The following NRXN3 variants were observed in gnomAD, a reference collection of about 807,000 sequenced individuals.
The protein encoded by NRXN3 is neurexin 3.
In NRXN3, 32 loss-of-function variants were observed where a neutral mutation model predicts 137.6. The ratio of observed to expected loss-of-function variants is 0.23; its 90% CI spans 0.18 to 0.31. The LOEUF (loss-of-function observed/expected upper bound fraction) is 0.31. Ranked by LOEUF, NRXN3 falls within the 10% of genes least tolerant of loss-of-function variation. The pLI is 1.00. For missense variants in NRXN3, 1,574 were observed against 2,062.5 expected, an observed-to-expected ratio of 0.76 and a Z score of 4.59; for synonymous variants, 798 against 784.5, an observed-to-expected ratio of 1.02 and a Z score of -0.29.
At chr14:79,826,275 G>A (rs1336965846) in intron 20 of NRXN3, among the ~76,000 whole-genome samples, 1 of 152,134 alleles carries the variant, frequency 6.6e-6, no homozygotes, top group Non-Finnish European at 1.5e-5. Context: ...TTACAGGCAT[G>A]AGCCGCTGTG....
intron 17 of NRXN3, among the ~76,000 whole-genome samples, chr14:79,679,983 G>A (rs904243457): frequency 6.6e-6 from 1 of 152,082 alleles, no homozygotes; most frequent in Non-Finnish European, 1.5e-5. Flanking sequence ...TAACCCCTTA[G>A]TCCCTGGATC....
intron 1 of NRXN3, among the ~76,000 whole-genome samples, chr14:78,178,231 G>A (rs1045379063): frequency 4.6e-5 from 7 of 152,198 alleles, no homozygotes; most frequent in African/African-American, 7.2e-5. Flanking sequence ...CTCTGGTTCC[G>A]CAAGTCTGGA....
intron 4 of NRXN3, among the ~76,000 whole-genome samples, chr14:78,576,390 T>G (rs1403608901): frequency 6.6e-6 from 1 of 152,146 alleles, no homozygotes; most frequent in East Asian, 1.9e-4. Context: ...TTAAAAAATA[T>G]TTTAAAAGAG....
At chr14:78,741,203 C>T (rs12589701) in intron 8 of NRXN3, among the ~76,000 whole-genome samples, 34,078 of 152,130 alleles carry the variant, frequency 0.22, 4,023 homozygotes, top group Middle Eastern at 0.27. Context: ...TCCAGAAAAT[C>T]CAGGAATCCT....
In NRXN3 at chr14:79,180,845, A is replaced by G. The variant is rs2062843829; in HGVS notation, c.3262+192704A>G. On this transcript the variant is annotated intron_variant, in intron 15 of 20. Transcript: ENST00000335750. ...GACCTAATAATCTTTATGTGACGTC[A>G]TTACTACGTACTACAGTCATATACA... Among the ~76,000 whole-genome samples the G allele has an allele frequency of 1.3e-5, 2 of 152,230 alleles. 1 individual carries two copies. The highest frequency in any genetic ancestry group is 4.1e-4 in the South Asian group (2 of 4,822).
chr14:79,078,802 G>A (rs10151372), intron 15 of NRXN3, among the ~76,000 whole-genome samples: 19,193 of 152,056 alleles, frequency 0.13, 1,356 homozygotes, highest in Middle Eastern at 0.24. Flanking sequence ...ACTGCTGCAC[G>A]TTAGGTAAAT....
intron 8 of NRXN3, among the ~76,000 whole-genome samples, chr14:78,766,404 G>T (rs960218666): frequency 3.7e-4 from 56 of 152,102 alleles, no homozygotes; most frequent in African/African-American, 1.3e-3. Context: ...CAATTACATT[G>T]CAAAAAATAA....
At chr14:78,499,295 G>C (rs1198962139) in intron 4 of NRXN3, among the ~76,000 whole-genome samples, 2 of 151,798 alleles carry the variant, frequency 1.3e-5, no homozygotes, top group Admixed American at 6.6e-5. Context: ...TTTCACATGG[G>C]TCATTAAAGT....
intron 19 of NRXN3, among the ~76,000 whole-genome samples, chr14:79,762,936 G>T (rs891224921): frequency 9.2e-5 from 14 of 151,592 alleles, no homozygotes; most frequent in African/African-American, 3.4e-4. Context: ...TGTTACATAG[G>T]TATACACGTG....
In NRXN3 at chr14:78,528,451, G is replaced by T. The variant is rs375766665; in HGVS notation, c.758-116669G>T. Among the ~76,000 whole-genome samples the T allele has an allele frequency of 3.3e-5, 5 of 152,128 alleles. 1 individual carries two copies. In the South Asian group the frequency reaches 1.0e-3, roughly 32 times the overall value. ...GTAGCCAGGATGTGGGATGTAGTGCGGGATGGTTGTTTTATTTGATTTTCC... is the reference window on the plus strand; with the variant it reads ...GTAGCCAGGATGTGGGATGTAGTGCTGGATGGTTGTTTTATTTGATTTTCC... On this transcript the variant is annotated intron_variant, in intron 4 of 20. Transcript: ENST00000335750.
rs528952296 is a variant in NRXN3 at position 78,824,169 on chromosome 14, A to G, written c.2275+13825A>G. On this transcript the variant is annotated intron_variant, in intron 10 of 20. Coordinates refer to ENST00000335750, the MANE Select transcript of NRXN3 (RefSeq NM_001330195.2). ...GCTCCTTAGGAAAGAATCCTGGTTA[A>G]AGGTGAATAAGGAAGGGGTATACTG... Among the ~76,000 whole-genome samples the G allele has an allele frequency of 2.4e-4, 36 of 147,120 alleles. No homozygotes were observed. In the South Asian group the frequency reaches 7.5e-3, roughly 31 times the overall value.
At chr14:79,314,667 C>G (rs1421341831) in intron 15 of NRXN3, among the ~76,000 whole-genome samples, 1 of 137,206 alleles carries the variant, frequency 7.3e-6, no homozygotes. Context: ...GTGTCCCTGT[C>G]TGACAGCTTT....
At chr14:78,333,943 C>T (rs570127661) in intron 4 of NRXN3, among the ~76,000 whole-genome samples, 17 of 152,106 alleles carry the variant, frequency 1.1e-4, no homozygotes, top group Admixed American at 2.0e-4. Context: ...CTGCAGTGGA[C>T]GGCGTGAGAG....
At position 78,959,839 on chromosome 14, in the gene NRXN3, T is replaced by C. The variant is rs139086515; in HGVS notation, c.2395+2478T>C. 3.6e-4 allele frequency among the ~76,000 whole-genome samples: 55 copies of C among 152,280 alleles called. No homozygotes were observed. In the East Asian group the frequency reaches 0.01, roughly 29 times the overall value. ...TTGCTCACTCCTCTGGGCTTGTCTC[T>C]GAAGGGTGATGGGATTCACAGCCGC... On this transcript the variant is annotated intron_variant, in intron 11 of 20. Coordinates refer to ENST00000335750, the MANE Select transcript of NRXN3 (RefSeq NM_001330195.2).
At chr14:79,658,726 G>T (rs2098518587) in intron 16 of NRXN3, among the ~76,000 whole-genome samples, 2 of 152,166 alleles carry the variant, frequency 1.3e-5, no homozygotes, top group Admixed American at 6.5e-5. Context: ...TGGCCCACAA[G>T]AGGCATTATT....
At chr14:78,381,357 G>A (rs755492094) in intron 4 of NRXN3, among the ~76,000 whole-genome samples, 1 of 152,138 alleles carries the variant, frequency 6.6e-6, no homozygotes, top group Non-Finnish European at 1.5e-5. Context: ...ACAAGTTATG[G>A]AGTGGGAGAA....
At chr14:79,281,919 C>T (rs1196773082) in intron 15 of NRXN3, 1 of 152,198 alleles carries the variant, frequency 6.6e-6, no homozygotes, top group African/African-American at 2.4e-5. Context: ...AGTGGAAGCA[C>T]ATTGAGAAAA....
chr14:78,490,088 T>C (rs2095637620), intron 4 of NRXN3, among the ~76,000 whole-genome samples: 1 of 152,136 alleles, frequency 6.6e-6, no homozygotes, highest in Non-Finnish European at 1.5e-5. Context: ...CTAATTTTTG[T>C]ATTTTTAGTA....
chr14:78,725,014 C>T (rs1011469561), intron 8 of NRXN3, among the ~76,000 whole-genome samples: 1 of 152,152 alleles, frequency 6.6e-6, no homozygotes, highest in Admixed American at 6.5e-5. Context: ...TCATTTCATG[C>T]TTCTTAGCAT....
Sources: gnomAD v4.1 joint callset for allele counts (sites outside exome capture counted in the v4.1 genomes callset) on GRCh38, gnomAD v4.1.1 for gene constraint, MANE v1.5 for transcripts, NCBI Gene and HGNC (gene_info 2026-07-23, HGNC 2026-07-21) for gene names.